MPPED1: variants seen among roughly 807,000 people sequenced by gnomAD.
The protein encoded by MPPED1 is metallophosphoesterase domain-containing protein 1.
MPPED1 carries 16 observed loss-of-function variants against 36.2 expected under a neutral mutation model. The ratio of observed to expected loss-of-function variants is 0.44; its 90% confidence interval spans 0.30 to 0.67. MPPED1 has a LOEUF of 0.67. MPPED1 is among the 30% of genes least tolerant of loss of function. The pLI is 0.10. For synonymous variants in MPPED1, 199 were observed against 191.3 expected (o/e 1.04, Z -0.33); for missense variants, 307 against 453.4 (o/e 0.68, Z 2.93).
intron 4 of MPPED1, among the ~76,000 whole-genome samples, chr22:43,475,636 G>T (rs1357612288): frequency 9.4e-6 from 1 of 106,700 alleles, no homozygotes; most frequent in East Asian, 3.2e-4. Flanking sequence ...TGGTGGTGAT[G>T]ATCGTCATGA....
chr22:43,470,148 A>T (rs1222961017), intron 3 of MPPED1, among the ~76,000 whole-genome samples: 1 of 151,470 alleles, frequency 6.6e-6, no homozygotes, highest in Non-Finnish European at 1.5e-5. Flanking sequence ...CCATCTATAT[A>T]TACATCTATA....
rs1161773328 is a variant in MPPED1, at chr22:43,507,749, C to T, written c.*2133C>T. The T allele has an allele frequency of 1.3e-5, 2 of 151,102 alleles. No homozygotes were observed. The highest frequency in any genetic ancestry group is 2.4e-5 in the African/African-American group (1 of 41,060). The allele number at this position is 151,102 out of a possible 1,614,324, so 9.4% of individuals were successfully genotyped here. A position where few individuals can be genotyped will look rare whatever the true frequency, so the allele number is the denominator to read the frequency against. On this transcript the variant is annotated 3_prime_UTR_variant, in exon 7 of 7. Transcript: ENST00000443721. ...AGTCCTCGAGGTATGAAGATGACGG[C>T]GTGCTTCTCAATCATTTTGGCATAA...
chr22:43,436,731 T>A (rs1206212460), intron 3 of MPPED1, among the ~76,000 whole-genome samples: 2 of 152,258 alleles, frequency 1.3e-5, no homozygotes, highest in African/African-American at 4.8e-5. Flanking sequence ...AGAGGCCGTT[T>A]CCAGGGCAGA....
At chr22:43,472,376 T>A (rs1261816600) in intron 3 of MPPED1, among the ~76,000 whole-genome samples, 1 of 152,216 alleles carries the variant, frequency 6.6e-6, no homozygotes, top group Non-Finnish European at 1.5e-5. Flanking sequence ...CCATTGATTA[T>A]CTTCTATAAT....
At chr22:43,499,624 T>C (rs1231529894) in intron 5 of MPPED1, among the ~76,000 whole-genome samples, 5 of 14,128 alleles carry the variant, frequency 3.5e-4, no homozygotes, top group Non-Finnish European at 2.6e-4. Context: ...ATGGTGGTGG[T>C]GATGATGGTG....
chr22:43,458,448 G>T (rs1265385234), intron 3 of MPPED1, among the ~76,000 whole-genome samples: 1 of 152,004 alleles, frequency 6.6e-6, no homozygotes. Context: ...ACCACACCCG[G>T]CTAATTTTTA....
chr22:43,434,942 C>A, intron 2 of MPPED1, 92 bp from the exon 3 acceptor site: 1 of 1,347,910 alleles, frequency 7.4e-7, no homozygotes, highest in Non-Finnish European at 1.0e-6. Flanking sequence ...ATTGATGGGG[C>A]TGTGAGCTGT....
chr22:43,499,657 G>A (rs1410138657), intron 5 of MPPED1, among the ~76,000 whole-genome samples: 8 of 79,590 alleles, frequency 1.0e-4, no homozygotes, highest in Non-Finnish European at 1.5e-4. Flanking sequence ...GTGGTGATGG[G>A]GGTGGCGGTG....
At position 43,465,178 on chromosome 22, in the gene MPPED1, A is replaced by T. The variant is rs139947731; in HGVS notation, c.407-9558A>T. ...GGTGAGATAGTAGAGAGCTGAGCCG[A>T]CTCTCAGGCCAGGGCTCTCCCACAG... is the stretch of plus-strand genomic sequence containing the variant. On this transcript the variant is annotated intron_variant, in intron 3 of 6. Coordinates refer to ENST00000443721, the MANE Select transcript of MPPED1 (RefSeq NM_001044370.2). Among the ~76,000 whole-genome samples, 159 of 152,168 alleles carry T rather than the reference A, an allele frequency of 1.0e-3. 2 individuals carry two copies. In the Middle Eastern group the frequency reaches 0.037, roughly 36 times the overall value.
chr22:43,462,104 A>T (rs1930976462), intron 3 of MPPED1, among the ~76,000 whole-genome samples: 1 of 151,866 alleles, frequency 6.6e-6, no homozygotes, highest in Admixed American at 6.6e-5. Flanking sequence ...TTGATTTTCT[A>T]CCTGCTCTGT....
chr22:43,495,755 A>G (rs1333020414), intron 4 of MPPED1, among the ~76,000 whole-genome samples: 147 of 1,024 alleles, frequency 0.14, no homozygotes, highest in Non-Finnish European at 0.16. Flanking sequence ...GGTGGTGGAG[A>G]TGGTGGTGGT....
chr22:43,497,866 C>T (rs1181451367), intron 4 of MPPED1, among the ~76,000 whole-genome samples: 2 of 147,732 alleles, frequency 1.4e-5, no homozygotes, highest in Non-Finnish European at 3.0e-5. Flanking sequence ...ATAATGTTCC[C>T]TGTGGATTTT....
intron 5 of MPPED1, among the ~76,000 whole-genome samples, chr22:43,500,179 T>C (rs370539543): frequency 0.11 from 4,296 of 38,656 alleles, 881 homozygotes; most frequent in African/African-American, 0.34. Context: ...ATGGAGGTGG[T>C]GGTGATGGTG....
chr22:43,424,489 T>C (rs1242994259), intron 1 of MPPED1, among the ~76,000 whole-genome samples: 1 of 152,060 alleles, frequency 6.6e-6, no homozygotes, highest in Admixed American at 6.5e-5. Context: ...TGTAGGAGAA[T>C]CCTTCCTGTT....
chr22:43,478,413 A>G (rs575748828), intron 4 of MPPED1, among the ~76,000 whole-genome samples: 107 of 152,298 alleles, frequency 7.0e-4, no homozygotes, highest in Non-Finnish European at 1.4e-3. Context: ...TGCTGCCTTC[A>G]TGGGGTTTAC....
At chr22:43,440,455 C>T (rs752650751) in intron 3 of MPPED1, among the ~76,000 whole-genome samples, 32 of 152,264 alleles carry the variant, frequency 2.1e-4, no homozygotes, top group Admixed American at 5.2e-4. Context: ...GAAGCACCCT[C>T]CTCCCAGGAT....
At chr22:43,412,363 G>T (rs574592138) in intron 1 of MPPED1, among the ~76,000 whole-genome samples, 2 of 152,100 alleles carry the variant, frequency 1.3e-5, no homozygotes, top group East Asian at 3.9e-4. Context: ...CGGCGGGAGG[G>T]GGCTCCGCCA....
intron 1 of MPPED1, among the ~76,000 whole-genome samples, chr22:43,423,698 G>C (rs936982327): frequency 6.6e-6 from 1 of 152,154 alleles, no homozygotes; most frequent in Non-Finnish European, 1.5e-5. Context: ...TTTGTTTTCT[G>C]ACTGTGTCGA....
intron 2 of MPPED1, 87 bp from the exon 3 acceptor site, chr22:43,434,940 GGCTGTGA>G (rs1332961984): frequency 6.7e-6 from 9 of 1,339,194 alleles, no homozygotes; most frequent in Non-Finnish European, 9.4e-6. Context: ...GGATTGATGG[GGCTGTGA>G]GCTGTGGTGG....
Sources: gnomAD v4.1 joint callset for allele counts (sites outside exome capture counted in the v4.1 genomes callset) on GRCh38, gnomAD v4.1.1 for gene constraint, MANE v1.5 for transcripts, NCBI Gene and HGNC (gene_info 2026-07-23, HGNC 2026-07-21) for gene names.